The following PDE4B variants were observed in gnomAD, a reference collection of about 807,000 sequenced individuals.
The protein encoded by PDE4B is 3',5'-cyclic-AMP phosphodiesterase 4B.
Under a neutral mutation model 82.2 loss-of-function variants are expected in PDE4B, and 20 were observed. The ratio of observed to expected loss-of-function variants is 0.24; its 90% confidence interval spans 0.17 to 0.35. The LOEUF is 0.35. Among genes scored for constraint, PDE4B ranks in the 10% least tolerant of loss-of-function variants. The probability of loss-of-function intolerance (pLI) is 1.00; values close to 1 mark genes in which losing one functional copy is unlikely to be tolerated. For missense variants in PDE4B, 655 were observed against 907.2 expected (o/e 0.72, Z 3.57); for synonymous variants, 320 against 318.9 (o/e 1.00, Z -0.04).
At chr1:66,104,212 G>C (rs1645288821) in intron 3 of PDE4B, among the ~76,000 whole-genome samples, 1 of 151,620 alleles carries the variant, frequency 6.6e-6, no homozygotes, top group Non-Finnish European at 1.5e-5. Context: ...TCTTGCGATA[G>C]TTTACTGAGA....
intron 3 of PDE4B, among the ~76,000 whole-genome samples, chr1:66,193,677 A>T (rs913153746): frequency 7.9e-5 from 12 of 152,300 alleles, no homozygotes; most frequent in African/African-American, 2.9e-4. Context: ...AACATTTAGA[A>T]ACATTGGTCA....
chr1:66,356,441 A>AAATGCTATC (rs1662250478), intron 9 of PDE4B, among the ~76,000 whole-genome samples: 1 of 152,268 alleles, frequency 6.6e-6, no homozygotes, highest in Non-Finnish European at 1.5e-5. Flanking sequence ...GCAAATCTGT[A>AAATGCTATC]CATCAAAGTA....
chr1:65,800,064 T>C (rs1290532868), intron 1 of PDE4B, among the ~76,000 whole-genome samples: 1 of 152,190 alleles, frequency 6.6e-6, no homozygotes, highest in African/African-American at 2.4e-5. Flanking sequence ...AAGCAGCATC[T>C]GCTGTATATA....
intron 1 of PDE4B, among the ~76,000 whole-genome samples, chr1:65,846,999 A>G (rs896038317): frequency 6.6e-6 from 1 of 152,212 alleles, no homozygotes; most frequent in African/African-American, 2.4e-5. Context: ...GCAATATGAC[A>G]TTAAATTCTT....
chr1:66,343,079 A>C (rs867011725), intron 8 of PDE4B, among the ~76,000 whole-genome samples: 1 of 152,194 alleles, frequency 6.6e-6, no homozygotes, highest in African/African-American at 2.4e-5. Flanking sequence ...AACAAAAAAA[A>C]ACAAAAAAAA....
Position 66,372,167 on chromosome 1 carries a change from G to A in PDE4B, c.1846-146G>A, listed in dbSNP as rs1005532076. ...GATTGCATTCAGTGTAAGACCCACTGTATTGTGAGTGCCCAAATCATGGAA... is the reference window on the plus strand; with the variant it reads ...GATTGCATTCAGTGTAAGACCCACTATATTGTGAGTGCCCAAATCATGGAA... On this transcript the variant is annotated intron_variant, in intron 16 of 16. Coordinates refer to ENST00000341517, the MANE Select transcript of PDE4B (RefSeq NM_002600.4). The A allele has an allele frequency of 3.4e-5, 26 of 769,854 alleles. No homozygotes were observed. In the African/African-American group the frequency reaches 3.8e-4, roughly 11 times the overall value. 47.7% of individuals were successfully genotyped at this position (769,854 alleles called of 1,614,324 possible).
At chr1:65,882,780 G>A (rs1465198709) in intron 1 of PDE4B, among the ~76,000 whole-genome samples, 1 of 152,026 alleles carries the variant, frequency 6.6e-6, no homozygotes, top group African/African-American at 2.4e-5. Context: ...ATGTATATAT[G>A]TGTGTGAACA....
chr1:65,955,255 G>A (rs999890621), intron 3 of PDE4B, among the ~76,000 whole-genome samples: 4 of 151,986 alleles, frequency 2.6e-5, no homozygotes, highest in African/African-American at 9.7e-5. Context: ...AAACCTTCAG[G>A]CACTGACACA....
chr1:65,904,951 C>T (rs1382452533), intron 1 of PDE4B, among the ~76,000 whole-genome samples: 1 of 152,132 alleles, frequency 6.6e-6, no homozygotes, highest in Non-Finnish European at 1.5e-5. Context: ...ATATAGCTGA[C>T]ATTTGCAGTT....
intron 3 of PDE4B, among the ~76,000 whole-genome samples, chr1:66,134,405 T>C (rs1430821423): frequency 6.6e-6 from 1 of 152,232 alleles, no homozygotes; most frequent in Non-Finnish European, 1.5e-5. Context: ...CTCTCTTTTA[T>C]TTTTACAGTA....
At chr1:65,831,393 G>T (rs958966534) in intron 1 of PDE4B, among the ~76,000 whole-genome samples, 1 of 152,104 alleles carries the variant, frequency 6.6e-6, no homozygotes, top group South Asian at 2.1e-4. Context: ...ATAGTAAGGA[G>T]ACCTTATAAC....
chr1:66,168,720 A>G (rs977399239), intron 3 of PDE4B, among the ~76,000 whole-genome samples: 2 of 152,196 alleles, frequency 1.3e-5, no homozygotes, highest in African/African-American at 4.8e-5. Context: ...TTACATTTCT[A>G]AAGAGTTATC....
intron 1 of PDE4B, among the ~76,000 whole-genome samples, chr1:65,814,283 A>C (rs1241250464): frequency 1.3e-5 from 2 of 152,322 alleles, no homozygotes; most frequent in East Asian, 3.9e-4. Context: ...ACAATATTTA[A>C]GTCACATCAT....
At chr1:66,342,548 TAAAAAAA>T (rs374881888) in intron 8 of PDE4B, among the ~76,000 whole-genome samples, 4,225 of 96,550 alleles carry the variant, frequency 0.044, 129 homozygotes, top group South Asian at 0.12. Context: ...TGTCTCTAAT[TAAAAAAA>T]AAAAAAAAAG....
chr1:65,952,370 A>G (rs1649045192), intron 3 of PDE4B, among the ~76,000 whole-genome samples: 1 of 152,090 alleles, frequency 6.6e-6, no homozygotes, highest in Non-Finnish European at 1.5e-5. Flanking sequence ...ATAAAAAGAA[A>G]GTGAATTCCT....
chr1:66,330,836 G>A (rs763814085), intron 7 of PDE4B: 240 of 966,994 alleles, frequency 2.5e-4, no homozygotes, highest in Non-Finnish European at 2.9e-4. Context: ...AGAAAGGAAG[G>A]AAGGTATGTG....
At chr1:66,308,365 A>T (rs919225477) in intron 7 of PDE4B, among the ~76,000 whole-genome samples, 2 of 152,188 alleles carry the variant, frequency 1.3e-5, no homozygotes, top group Non-Finnish European at 2.9e-5. Context: ...TATCATATGC[A>T]GAGAGAAAAG....
At chr1:66,299,671 T>A (rs939829113) in intron 7 of PDE4B, among the ~76,000 whole-genome samples, 1 of 152,180 alleles carries the variant, frequency 6.6e-6, no homozygotes, top group African/African-American at 2.4e-5. Flanking sequence ...TAACTTACTT[T>A]CCCATCAACA....
Position 66,029,617 on chromosome 1 carries a change from A to C in PDE4B, c.281+110782A>C, listed in dbSNP as rs1026937879. On this transcript the variant is annotated intron_variant, in intron 3 of 16. Transcript: ENST00000341517. Reference sequence around the variant, plus strand: ...AAATAGACAATACCAATATTAATTTATATATAGTATGTATGAATGTTACTT... The same window carrying C: ...AAATAGACAATACCAATATTAATTTCTATATAGTATGTATGAATGTTACTT... Among the ~76,000 whole-genome samples, 5 of 152,322 alleles carry C rather than the reference A, an allele frequency of 3.3e-5. No homozygotes were observed. The East Asian group carries it at 9.6e-4, about 29-fold the overall frequency.
Sources: gnomAD v4.1 joint callset for allele counts (sites outside exome capture counted in the v4.1 genomes callset) on GRCh38, gnomAD v4.1.1 for gene constraint, MANE v1.5 for transcripts, NCBI Gene and HGNC (gene_info 2026-07-23, HGNC 2026-07-21) for gene names.